Variants in PWP1 observed in about 807,000 individuals in gnomAD.
PWP1 encodes periodic tryptophan protein 1 homolog.
Under a neutral mutation model 69.9 loss-of-function variants are expected in PWP1, and 47 were observed. The ratio of observed to expected loss-of-function variants is 0.67; its 90% confidence interval spans 0.53 to 0.86. PWP1 has a LOEUF of 0.86. Ranked by LOEUF, PWP1 falls within the 40% of genes least tolerant of loss-of-function variation. The pLI is 0.00. For synonymous variants in PWP1, 222 were observed against 208.2 expected (o/e 1.07, Z -0.57); for missense variants, 551 against 608.8 (o/e 0.91, Z 1.00).
Position 107,692,802 on chromosome 12 carries a change from T to C in PWP1, c.320-12T>C. The C allele has an allele frequency of 1.2e-6, 2 of 1,600,126 alleles. No homozygotes were observed. Among genetic ancestry groups the C allele is most frequent in the Admixed American group, 1.7e-5 (1 of 58,366 alleles). On this transcript the variant is annotated splice_polypyrimidine_tract_variant and intron_variant, in intron 3 of 14. Transcript: ENST00000412830. The stretch of plus-strand genomic sequence containing the variant: ...CTATTTTATTATTGTAGTTTGTCAA[T>C]TTTTCTTACAGATGCTGAGACTCTT...
intron 5 of PWP1, among the ~76,000 whole-genome samples, chr12:107,694,080 T>C (rs1566078020): frequency 6.6e-6 from 1 of 152,216 alleles, no homozygotes; most frequent in South Asian, 2.1e-4. Context: ...TATTTTTAAA[T>C]GTTGTTTTTG....
intron 13 of PWP1, 60 bp from the exon 14 acceptor site, chr12:107,710,345 A>T: frequency 3.8e-6 from 6 of 1,595,444 alleles, no homozygotes; most frequent in Non-Finnish European, 5.1e-6. Flanking sequence ...AACAGTGAGG[A>T]TCTAGATATT....
At chr12:107,702,319 T>C (rs544642652) in intron 8 of PWP1, among the ~76,000 whole-genome samples, 2 of 152,274 alleles carry the variant, frequency 1.3e-5, no homozygotes, top group East Asian at 3.9e-4. Flanking sequence ...CTCACTCTGT[T>C]GCTCAGGCTG....
At chr12:107,694,510 G>C (rs757877458) in intron 5 of PWP1, among the ~76,000 whole-genome samples, 8 of 152,166 alleles carry the variant, frequency 5.3e-5, no homozygotes, top group Non-Finnish European at 1.0e-4. Flanking sequence ...CTATAGATTA[G>C]GCCCATTTTA....
intron 8 of PWP1, among the ~76,000 whole-genome samples, chr12:107,702,435 C>A (rs1889733128): frequency 6.6e-6 from 1 of 152,060 alleles, no homozygotes; most frequent in Non-Finnish European, 1.5e-5. Flanking sequence ...CATGCGCCAC[C>A]ATGCCCAGCT....
intron 1 of PWP1, among the ~76,000 whole-genome samples, chr12:107,686,570 C>T (rs1349781771): frequency 2.6e-5 from 4 of 152,228 alleles, no homozygotes; most frequent in South Asian, 4.1e-4. Flanking sequence ...GAGACTGAGA[C>T]TGTAGCAGAG....
At position 107,709,163 on chromosome 12, in the gene PWP1, C is replaced by T; in HGVS notation, c.1221C>T (p.Asp407=). 1 of 1,613,902 alleles carries T rather than the reference C, an allele frequency of 6.2e-7. No individual in the cohort carries two copies. Among genetic ancestry groups the T allele is most frequent in the South Asian group, 1.1e-5 (1 of 91,080 alleles). The part of the protein sequence containing the change: ...IKGCLVTASA[D]KYVKIWDILG... ...GCTGTCTCGTGACTGCTTCAGCTGA[C>T]AAATACGTGAAGATCTGGGACATCT... Residue 407 remains aspartate, a synonymous_variant, in exon 13 of 15, where the codon GAC becomes GAT. Transcript: ENST00000412830.
In PWP1 at chr12:107,697,637, G is replaced by GT. The variant is rs765263145; in HGVS notation, c.744+41dup. Reference sequence around the variant, plus strand: ...AAATATTTAAACTCTAATGACAGAGGTAAGTTTACTCGGGAGTAGGGGTGA... The same window carrying GT: ...AAATATTTAAACTCTAATGACAGAGGTTAAGTTTACTCGGGAGTAGGGGTGA... On this transcript the variant is annotated intron_variant, in intron 7 of 14. Transcript: ENST00000412830. The GT allele has an allele frequency of 3.2e-6, 5 of 1,574,590 alleles. No homozygotes were observed. In the Admixed American group the frequency reaches 6.9e-5, roughly 22 times the overall value.
In PWP1 at chr12:107,699,446, T is replaced by C; in HGVS notation, c.806+12T>C. 6.2e-7 allele frequency: 1 copy of C among 1,603,398 alleles called. No homozygotes were observed. ...AATAAGCTAATCAGGTAAAAAGAAA[T>C]AACATTTGAATGATTGTAAAAGACT... On this transcript the variant is annotated intron_variant, in intron 8 of 14. Coordinates refer to ENST00000412830, the MANE Select transcript of PWP1 (RefSeq NM_007062.3).
intron 11 of PWP1, 110 bp from the exon 12 acceptor site, chr12:107,708,816 T>C: frequency 1.0e-6 from 1 of 989,928 alleles, no homozygotes; most frequent in Non-Finnish European, 1.5e-6. Context: ...TAATTTTTCA[T>C]AAGTTCCACC....
intron 3 of PWP1, among the ~76,000 whole-genome samples, chr12:107,689,430 G>C (rs760360760): frequency 7.2e-5 from 11 of 152,130 alleles, no homozygotes; most frequent in Non-Finnish European, 1.0e-4. Context: ...CCTGCATTTT[G>C]AGATGCTGTT....
intron 5 of PWP1, among the ~76,000 whole-genome samples, chr12:107,695,906 A>G (rs1033803966): frequency 2.0e-5 from 3 of 151,968 alleles, no homozygotes; most frequent in Non-Finnish European, 4.4e-5. Flanking sequence ...AGACAGGACC[A>G]TTTATCTGAC....
intron 3 of PWP1, 52 bp from the exon 4 acceptor site, chr12:107,692,761 GT>G: frequency 1.4e-6 from 2 of 1,436,198 alleles, no homozygotes; most frequent in South Asian, 2.4e-5. Flanking sequence ...TAGGAAATAT[GT>G]TTTTGTCAAG....
At chr12:107,696,682 T>C (rs1330930252) in intron 6 of PWP1, 98 bp downstream of exon 6, 5 of 1,528,608 alleles carry the variant, frequency 3.3e-6, no homozygotes, top group South Asian at 2.4e-5. Flanking sequence ...TTCAGAATTG[T>C]TGCTGATATT....
At chr12:107,703,592 G>GA in intron 9 of PWP1, 93 bp from the exon 10 acceptor site, 1 of 1,095,996 alleles carries the variant, frequency 9.1e-7, no homozygotes, top group South Asian at 1.3e-5. Flanking sequence ...CGCATTTATA[G>GA]AAATACTGTC....
chr12:107,693,816 T>G (rs918021794), intron 5 of PWP1, among the ~76,000 whole-genome samples: 6 of 152,214 alleles, frequency 3.9e-5, no homozygotes, highest in Non-Finnish European at 8.8e-5. Context: ...TTTTTCTGGC[T>G]ACTTTTTCTT....
chr12:107,710,551 G>GAA, intron 14 of PWP1, 41 bp downstream of exon 14: 5 of 642,974 alleles, frequency 7.8e-6, no homozygotes, highest in Admixed American at 5.2e-5. Flanking sequence ...CCCTGCCCCT[G>GAA]TAAAAAAAAA....
At position 107,696,531 on chromosome 12, in the gene PWP1, A is replaced by G. The variant is rs377490385; in HGVS notation, c.560A>G (p.Tyr187Cys). The change falls in exon 6 of 15, where the codon TAT (tyrosine) becomes TGT (cysteine). Residue 187 changes from tyrosine to cysteine, a missense_variant. Physicochemically the swap from Tyr to Cys is radical, Grantham distance 194. Transcript: ENST00000412830. ...YVHHDILLSA[Y>C]PLSVEWLNFD... ...CACCATGATATACTCTTGTCTGCAT[A>G]TCCTCTGAGTGTGGAATGGCTGAAT... 2 of 1,614,038 alleles carry G rather than the reference A, an allele frequency of 1.2e-6. No individual in the cohort carries two copies. The highest frequency in any genetic ancestry group is 1.7e-6 in the Non-Finnish European group (2 of 1,180,018).
At chr12:107,697,666 G>A in intron 7 of PWP1, 69 bp downstream of exon 7, 1 of 1,427,958 alleles carries the variant, frequency 7.0e-7, no homozygotes, top group East Asian at 2.3e-5. Context: ...GGGGTGAAGG[G>A]TAAGACCGTA....
Sources: gnomAD v4.1 joint callset for allele counts (sites outside exome capture counted in the v4.1 genomes callset) on GRCh38, gnomAD v4.1.1 for gene constraint, MANE v1.5 for transcripts, NCBI Gene and HGNC (gene_info 2026-07-23, HGNC 2026-07-21) for gene names.